Variants in STAG1 observed in about 807,000 individuals in gnomAD.
The protein encoded by STAG1 is cohesin subunit SA-1.
Under a neutral mutation model 170.9 loss-of-function variants are expected in STAG1, and 26 were observed. The observed-to-expected ratio is 0.15, with a 90% confidence interval of 0.11 to 0.21. STAG1 has a LOEUF of 0.21. Ranked by LOEUF, STAG1 falls within the 10% of genes least tolerant of loss-of-function variation. STAG1 has a pLI of 1.00. For synonymous variants in STAG1, 514 were observed against 497.7 expected, an observed-to-expected ratio of 1.03 and a Z score of -0.44; for missense variants, 964 against 1,509.5, an observed-to-expected ratio of 0.64 and a Z score of 5.99.
intron 1 of STAG1, among the ~76,000 whole-genome samples, chr3:136,689,167 C>T (rs1461155176): frequency 1.3e-5 from 2 of 152,178 alleles, no homozygotes; most frequent in Non-Finnish European, 2.9e-5. Flanking sequence ...GAAGCAATGG[C>T]TTGTCTATAA....
At chr3:136,677,898 T>C (rs1049560977) in intron 1 of STAG1, among the ~76,000 whole-genome samples, 1 of 147,634 alleles carries the variant, frequency 6.8e-6, no homozygotes, top group African/African-American at 2.5e-5. Context: ...ATCATATATA[T>C]AATATATATT....
chr3:136,721,350 T>C (rs1933251260), intron 1 of STAG1: 1 of 152,252 alleles, frequency 6.6e-6, no homozygotes, highest in African/African-American at 2.4e-5. Flanking sequence ...TTTAATTTTA[T>C]ATGTAAACGA....
intron 16 of STAG1, among the ~76,000 whole-genome samples, chr3:136,424,446 T>C (rs985362965): frequency 2.6e-5 from 4 of 151,676 alleles, no homozygotes; most frequent in African/African-American, 9.7e-5. Context: ...GCGATTCTCC[T>C]GCCTCAGCCT....
intron 1 of STAG1, among the ~76,000 whole-genome samples, chr3:136,660,578 A>C (rs1941546048): frequency 6.6e-6 from 1 of 152,216 alleles, no homozygotes; most frequent in South Asian, 2.1e-4. Context: ...ACGTTGGGTA[A>C]CATACTCTAA....
chr3:136,479,221 T>G, intron 9 of STAG1, among the ~76,000 whole-genome samples: 1 of 98,432 alleles, frequency 1.0e-5, no homozygotes, highest in South Asian at 4.6e-4. Context: ...ATGCTATCCC[T>G]CCCCCCTCCC....
intron 1 of STAG1, among the ~76,000 whole-genome samples, chr3:136,747,093 TAAAAAAAAAAAAA>T (rs71134408): frequency 3.4e-4 from 20 of 59,322 alleles, no homozygotes; most frequent in South Asian, 1.0e-3. Flanking sequence ...TGAAACTGTC[TAAAAAAAAAAAAA>T]AAAAAAAAAA....
intron 1 of STAG1, among the ~76,000 whole-genome samples, chr3:136,667,430 T>C (rs1352371991): frequency 6.6e-6 from 1 of 151,890 alleles, no homozygotes; most frequent in Non-Finnish European, 1.5e-5. Flanking sequence ...AGACAGAAAA[T>C]GAAATAATGA....
intron 1 of STAG1, among the ~76,000 whole-genome samples, chr3:136,648,116 T>C (rs974202004): frequency 3.3e-5 from 5 of 152,206 alleles, no homozygotes; most frequent in East Asian, 1.9e-4. Flanking sequence ...AGTAAGTATC[T>C]AGGGGGTTCA....
chr3:136,476,281 G>C (rs1042591843), intron 10 of STAG1, among the ~76,000 whole-genome samples: 2 of 152,150 alleles, frequency 1.3e-5, no homozygotes, highest in Non-Finnish European at 2.9e-5. Flanking sequence ...TCTCAGCACA[G>C]ACCAAATGGA....
At chr3:136,747,287 AG>A (rs1184691500) in intron 1 of STAG1, among the ~76,000 whole-genome samples, 54 of 151,388 alleles carry the variant, frequency 3.6e-4, no homozygotes, top group Admixed American at 2.6e-3. Context: ...AAAAAAAAAA[AG>A]AATTCTCTCC....
chr3:136,403,621 T>C (rs1434726904), intron 21 of STAG1, among the ~76,000 whole-genome samples: 1 of 152,138 alleles, frequency 6.6e-6, no homozygotes, highest in Non-Finnish European at 1.5e-5. Context: ...TATAAATTAA[T>C]AGTAATCAAT....
chr3:136,451,027 G>C (rs1168389581), intron 14 of STAG1, among the ~76,000 whole-genome samples: 1 of 152,110 alleles, frequency 6.6e-6, no homozygotes, highest in Non-Finnish European at 1.5e-5. Flanking sequence ...GGGATTACAA[G>C]CGTGAGCCAC....
intron 1 of STAG1, among the ~76,000 whole-genome samples, chr3:136,674,280 G>A (rs1942071048): frequency 6.6e-6 from 1 of 151,904 alleles, no homozygotes; most frequent in East Asian, 1.9e-4. Context: ...AAAACAGACT[G>A]GAATATATCC....
chr3:136,429,030 G>C (rs1013381472), intron 16 of STAG1, among the ~76,000 whole-genome samples: 1 of 152,128 alleles, frequency 6.6e-6, no homozygotes, highest in Non-Finnish European at 1.5e-5. Context: ...CCAGCCACTC[G>C]GGAGGCTGAG....
In STAG1 at chr3:136,473,584, A is replaced by G. The variant is rs865841342; in HGVS notation, c.1080T>C (p.Asn360=). The change falls in exon 11 of 34, where the codon AAT becomes AAC. Residue 360 remains asparagine, a synonymous_variant. Coordinates refer to ENST00000383202, the MANE Select transcript of STAG1 (RefSeq NM_005862.3). ...CLKALQSLYT[N]RELFPKLELF... is the part of the protein sequence containing the mutation. ...GTTCCAATTTGGGGAATAATTCTCT[A>G]TTGGTATATAGACTCTGCAGAGCTT... 6 of 1,612,548 alleles carry G rather than the reference A, an allele frequency of 3.7e-6. No individual in the cohort carries two copies. Among genetic ancestry groups the G allele is most frequent in the South Asian group, 2.2e-5 (2 of 90,900 alleles).
intron 3 of STAG1, among the ~76,000 whole-genome samples, chr3:136,622,761 A>T (rs1026292702): frequency 1.3e-5 from 2 of 152,166 alleles, no homozygotes; most frequent in Non-Finnish European, 2.9e-5. Context: ...TAAACTTCCC[A>T]ATCAGGTTAT....
At chr3:136,612,573 G>C (rs906172698) in intron 3 of STAG1, among the ~76,000 whole-genome samples, 1 of 152,196 alleles carries the variant, frequency 6.6e-6, no homozygotes, top group Non-Finnish European at 1.5e-5. Context: ...TGTGCCTGTA[G>C]CTCCAGCTAT....
At chr3:136,689,145 T>G (rs1036894741) in intron 1 of STAG1, among the ~76,000 whole-genome samples, 8 of 152,250 alleles carry the variant, frequency 5.3e-5, no homozygotes, top group African/African-American at 1.9e-4. Context: ...AAGAATAATT[T>G]TGGCCATGGT....
At chr3:136,388,575 G>A (rs958760428) in intron 22 of STAG1, among the ~76,000 whole-genome samples, 1 of 152,108 alleles carries the variant, frequency 6.6e-6, no homozygotes, top group African/African-American at 2.4e-5. Context: ...CACCATGTTG[G>A]TCAGGCTCAT....
Sources: gnomAD v4.1 joint callset for allele counts (sites outside exome capture counted in the v4.1 genomes callset) on GRCh38, gnomAD v4.1.1 for gene constraint, MANE v1.5 for transcripts, NCBI Gene and HGNC (gene_info 2026-07-23, HGNC 2026-07-21) for gene names.